Variants in TMPRSS12 observed in about 807,000 individuals in gnomAD.
TMPRSS12 encodes the protein transmembrane protease serine 12.
In TMPRSS12, 25 loss-of-function variants were observed where a neutral mutation model predicts 26.0. That is an observed-to-expected ratio of 0.96 (90% CI 0.70 to 1.34). The LOEUF is 1.34. Ranked by LOEUF, TMPRSS12 falls within the 40% of genes most tolerant of loss-of-function variation. The pLI is 0.00. For missense variants in TMPRSS12, 441 were observed against 440.1 expected (o/e 1.00, Z -0.02); for synonymous variants, 150 against 161.7 (o/e 0.93, Z 0.55).
intron 3 of TMPRSS12, among the ~76,000 whole-genome samples, chr12:50,871,318 A>G (rs1938040311): frequency 6.6e-6 from 1 of 152,208 alleles, no homozygotes; most frequent in Admixed American, 6.5e-5. Context: ...CTGATCTTCA[A>G]CAAAGCAAAC....
intron 2 of TMPRSS12, among the ~76,000 whole-genome samples, chr12:50,857,891 C>T (rs1341464143): frequency 2.0e-5 from 3 of 151,884 alleles, no homozygotes; most frequent in African/African-American, 7.3e-5. Context: ...TGCAGTGGCA[C>T]GATCTCGGCT....
intron 3 of TMPRSS12, among the ~76,000 whole-genome samples, chr12:50,883,969 T>C (rs1231672378): frequency 6.6e-6 from 1 of 152,206 alleles, no homozygotes; most frequent in African/African-American, 2.4e-5. Context: ...CACTGCACTC[T>C]GGGACCCAGG....
intron 3 of TMPRSS12, among the ~76,000 whole-genome samples, chr12:50,872,642 ATATGTACATATATGACG>A (rs1428929392): frequency 0.017 from 1,389 of 83,106 alleles, 115 homozygotes; most frequent in South Asian, 0.024. Flanking sequence ...TATATGACGT[ATATGTACATATATGACG>A]TATATGTACA....
At chr12:50,857,915 G>T (rs960289506) in intron 2 of TMPRSS12, among the ~76,000 whole-genome samples, 40 of 151,462 alleles carry the variant, frequency 2.6e-4, no homozygotes, top group African/African-American at 7.5e-4. Flanking sequence ...TGCAAGCCCC[G>T]CCTCCCGGGT....
chr12:50,843,245 C>A, intron 1 of TMPRSS12, 94 bp downstream of exon 1: 1 of 1,368,812 alleles, frequency 7.3e-7, no homozygotes, highest in Non-Finnish European at 9.5e-7. Context: ...TTCTGTTGTC[C>A]CAATGGCCTT....
At chr12:50,869,023 C>T (rs1487898837) in intron 3 of TMPRSS12, among the ~76,000 whole-genome samples, 1 of 151,670 alleles carries the variant, frequency 6.6e-6, no homozygotes, top group Non-Finnish European at 1.5e-5. Context: ...GTTCATAACC[C>T]TAAATGCCTA....
chr12:50,846,597 T>C (rs1937769993), intron 2 of TMPRSS12, among the ~76,000 whole-genome samples: 1 of 152,116 alleles, frequency 6.6e-6, no homozygotes, highest in Non-Finnish European at 1.5e-5. Context: ...TTTTGTTTTT[T>C]AGACAGAGCC....
intron 3 of TMPRSS12, among the ~76,000 whole-genome samples, chr12:50,873,675 C>G (rs933856005): frequency 2.0e-5 from 3 of 152,176 alleles, no homozygotes; most frequent in Admixed American, 6.5e-5. Flanking sequence ...GGTAACATAT[C>G]TGGAGAAAAT....
intron 3 of TMPRSS12, among the ~76,000 whole-genome samples, chr12:50,860,995 C>T (rs936523668): frequency 2.0e-5 from 3 of 152,146 alleles, no homozygotes; most frequent in Non-Finnish European, 2.9e-5. Flanking sequence ...CTAGCCGCTT[C>T]GGTCTCCTGA....
intron 2 of TMPRSS12, among the ~76,000 whole-genome samples, chr12:50,858,275 C>T (rs956138919): frequency 8.5e-5 from 13 of 152,220 alleles, no homozygotes; most frequent in Non-Finnish European, 1.5e-4. Context: ...TTCCCGTTAT[C>T]AACTGATACC....
At chr12:50,880,867 A>G (rs899321047) in intron 3 of TMPRSS12, among the ~76,000 whole-genome samples, 6 of 152,044 alleles carry the variant, frequency 3.9e-5, no homozygotes, top group Admixed American at 1.3e-4. Flanking sequence ...GTATATAGCT[A>G]AATGAAGGAA....
intron 3 of TMPRSS12, among the ~76,000 whole-genome samples, chr12:50,864,909 T>C (rs1937976356): frequency 6.6e-6 from 1 of 151,922 alleles, no homozygotes; most frequent in South Asian, 2.1e-4. Flanking sequence ...TCCACCCACC[T>C]CGGCCTCCTA....
intron 3 of TMPRSS12, among the ~76,000 whole-genome samples, chr12:50,867,473 A>T (rs1222354331): frequency 6.6e-6 from 1 of 152,234 alleles, no homozygotes; most frequent in Admixed American, 6.5e-5. Context: ...GAAGTCTGGG[A>T]TTATGTTAAA....
chr12:50,849,915 C>T (rs77700296), intron 2 of TMPRSS12, among the ~76,000 whole-genome samples: 10,575 of 151,406 alleles, frequency 0.07, 402 homozygotes, highest in Middle Eastern at 0.11. Flanking sequence ...AACCCCCTCC[C>T]TCCTTCATTG....
intron 3 of TMPRSS12, among the ~76,000 whole-genome samples, chr12:50,865,819 C>T (rs1414240114): frequency 6.6e-6 from 1 of 152,142 alleles, no homozygotes; most frequent in East Asian, 1.9e-4. Flanking sequence ...AAGACACCCT[C>T]TCCTGTTGCC....
chr12:50,854,944 A>C (rs1209935752), intron 2 of TMPRSS12, among the ~76,000 whole-genome samples: 1 of 152,218 alleles, frequency 6.6e-6, no homozygotes. Flanking sequence ...AACATTTTAC[A>C]CAGAATTTTA....
At chr12:50,878,794 A>G (rs934168582) in intron 3 of TMPRSS12, among the ~76,000 whole-genome samples, 1 of 152,212 alleles carries the variant, frequency 6.6e-6, no homozygotes, top group Non-Finnish European at 1.5e-5. Flanking sequence ...ACTATATTCA[A>G]TAGTGGTACA....
At chr12:50,858,425 G>A (rs940998409) in intron 2 of TMPRSS12, among the ~76,000 whole-genome samples, 11 of 152,084 alleles carry the variant, frequency 7.2e-5, no homozygotes, top group Admixed American at 1.3e-4. Flanking sequence ...TAATCCATTT[G>A]GAGTTTATTT....
At chr12:50,848,748 G>C (rs1028353841) in intron 2 of TMPRSS12, among the ~76,000 whole-genome samples, 3 of 152,192 alleles carry the variant, frequency 2.0e-5, no homozygotes, top group Non-Finnish European at 4.4e-5. Context: ...CTTTCCCAGA[G>C]AGCTGTGGTC....
Sources: allele counts gnomAD v4.1 joint callset (sites outside exome capture counted in the v4.1 genomes callset), GRCh38; gene constraint gnomAD v4.1.1; transcripts MANE v1.5; gene names NCBI Gene and HGNC (gene_info 2026-07-23, HGNC 2026-07-21).